Variants in KLHL3 observed in about 807,000 individuals in gnomAD.
The protein encoded by KLHL3 is kelch-like protein 3.
KLHL3 carries 19 observed loss-of-function variants against 70.5 expected under a neutral mutation model. The ratio of observed to expected loss-of-function variants is 0.27; its 90% CI spans 0.19 to 0.40. The LOEUF (loss-of-function observed/expected upper bound fraction) is 0.40, where lower values mean the gene tolerates loss of function less well. Among genes scored for constraint, KLHL3 ranks in the 10% least tolerant of loss-of-function variants. KLHL3 has a pLI of 1.00. For missense variants in KLHL3, 512 were observed against 771.1 expected (o/e 0.66, Z 3.98); for synonymous variants, 258 against 290.3 (o/e 0.89, Z 1.13).
intron 7 of KLHL3, 80 bp downstream of exon 7, chr5:137,661,835 C>T (rs2149897859): frequency 1.3e-6 from 1 of 797,010 alleles, no homozygotes; most frequent in East Asian, 2.5e-5. Context: ...TCAACTACTC[C>T]ATCCAACCAG....
chr5:137,691,616 T>C lies in KLHL3; in HGVS notation c.526+669A>G, dbSNP rs1432984649. 1.3e-3 allele frequency among the ~76,000 whole-genome samples: 8 copies of C among 5,954 alleles called. No homozygotes were observed. The African/African-American group carries it at 0.035, about 26-fold the overall frequency. The allele number at this position is 5,954 out of a possible 152,430, so 3.9% of individuals were successfully genotyped here. ...ATAAGCCCTGCAATAGTACGTGACT[T>C]TTTTTTTTTTTTTAGATGGAGTCTC... is the stretch of plus-strand genomic sequence containing the variant. On this transcript the variant is annotated intron_variant, in intron 5 of 14. Coordinates refer to ENST00000309755, the MANE Select transcript of KLHL3 (RefSeq NM_017415.3).
intron 8 of KLHL3, among the ~76,000 whole-genome samples, chr5:137,641,207 G>A (rs1750906573): frequency 6.6e-6 from 1 of 152,240 alleles, no homozygotes; most frequent in Non-Finnish European, 1.5e-5. Flanking sequence ...GCTTTCTTGA[G>A]TGGAGAGAAA....
intron 4 of KLHL3, among the ~76,000 whole-genome samples, chr5:137,695,576 C>T (rs1752427615): frequency 6.6e-6 from 1 of 152,128 alleles, no homozygotes; most frequent in Admixed American, 6.6e-5. Context: ...AATTAGGGCC[C>T]CATCCAATGG....
chr5:137,717,325 G>A (rs1430061788), intron 2 of KLHL3, among the ~76,000 whole-genome samples: 2 of 152,242 alleles, frequency 1.3e-5, no homozygotes, highest in Admixed American at 6.5e-5. Flanking sequence ...TTGAGCTACT[G>A]TAATCTTGGT....
chr5:137,672,555 A>G (rs1331585561), intron 6 of KLHL3: 1 of 152,218 alleles, frequency 6.6e-6, no homozygotes, highest in Non-Finnish European at 1.5e-5. Context: ...CCTGACCGGT[A>G]TCTAAAATGC....
In KLHL3 at chr5:137,720,755, A is replaced by C. The variant is rs539043097; in HGVS notation, c.15-171T>G. 2,101 of 1,436,088 alleles carry C rather than the reference A, an allele frequency of 1.5e-3. 5 individuals are homozygous for C. Among genetic ancestry groups the C allele is most frequent in the Non-Finnish European group, 1.8e-3 (1,979 of 1,099,056 alleles). 89.0% of individuals were successfully genotyped at this position (1,436,088 alleles called of 1,614,324 possible). A position where few individuals can be genotyped will look rare whatever the true frequency, so the allele number is the denominator to read the frequency against. ...ACTGGGAATTTCTTCATATCTTCCAAAGCAAAGTGCATTCCTCTGAAGGAA... is the reference window on the plus strand; with the variant it reads ...ACTGGGAATTTCTTCATATCTTCCACAGCAAAGTGCATTCCTCTGAAGGAA... On this transcript the variant is annotated intron_variant, in intron 1 of 14. Coordinates refer to ENST00000309755, the MANE Select transcript of KLHL3 (RefSeq NM_017415.3).
intron 7 of KLHL3, chr5:137,661,607 T>C (rs1050583537): frequency 1.0e-4 from 24 of 230,904 alleles, no homozygotes; most frequent in African/African-American, 5.4e-4. Flanking sequence ...CCTTTAGTCC[T>C]CACAACAACC....
At chr5:137,633,278 C>CAAAAAAAAAAAAAAAAAAAA (rs56084512) in intron 12 of KLHL3, among the ~76,000 whole-genome samples, 1 of 72,002 alleles carries the variant, frequency 1.4e-5, no homozygotes, top group African/African-American at 6.1e-5. Context: ...GACTTCATCT[C>CAAAAAAAAAAAAAAAAAAAA]AAAAAAAAAA....
chr5:137,681,004 T>C (rs114504946), intron 5 of KLHL3, among the ~76,000 whole-genome samples: 2,024 of 152,018 alleles, frequency 0.013, 44 homozygotes, highest in African/African-American at 0.046. Flanking sequence ...GAGGCCCCTC[T>C]CTATTTAAAA....
chr5:137,642,059 G>A (rs1269698782), intron 8 of KLHL3, among the ~76,000 whole-genome samples: 1 of 152,182 alleles, frequency 6.6e-6, no homozygotes, highest in Non-Finnish European at 1.5e-5. Flanking sequence ...CAGCCCCTTG[G>A]CAAACACCAG....
chr5:137,713,314 G>C (rs1318707191), intron 2 of KLHL3, among the ~76,000 whole-genome samples: 2 of 152,030 alleles, frequency 1.3e-5, no homozygotes, highest in African/African-American at 4.8e-5. Context: ...ATATGACAGT[G>C]TGGTACTAGT....
At chr5:137,656,955 T>C (rs958130196) in intron 8 of KLHL3, among the ~76,000 whole-genome samples, 3 of 152,246 alleles carry the variant, frequency 2.0e-5, no homozygotes, top group Non-Finnish European at 4.4e-5. Flanking sequence ...CTCTACCTTG[T>C]AGTGTTGTTG....
At chr5:137,722,129 G>A (rs1038874781) in intron 1 of KLHL3, among the ~76,000 whole-genome samples, 1 of 152,186 alleles carries the variant, frequency 6.6e-6, no homozygotes, top group African/African-American at 2.4e-5. Context: ...CTCTATCCAT[G>A]CTACCACTTA....
chr5:137,626,154 C>T (rs1378027993), intron 13 of KLHL3, among the ~76,000 whole-genome samples: 1 of 152,040 alleles, frequency 6.6e-6, no homozygotes, highest in Non-Finnish European at 1.5e-5. Flanking sequence ...ACGTGTATGC[C>T]CCCCGCCACA....
chr5:137,663,150 C>A (rs1429765967), intron 6 of KLHL3, among the ~76,000 whole-genome samples: 1 of 150,722 alleles, frequency 6.6e-6, no homozygotes, highest in Non-Finnish European at 1.5e-5. Flanking sequence ...CTCCACCTCC[C>A]GGGTTAAGTG....
intron 14 of KLHL3, among the ~76,000 whole-genome samples, chr5:137,622,901 C>A (rs1374057955): frequency 6.6e-6 from 1 of 152,224 alleles, no homozygotes; most frequent in East Asian, 1.9e-4. Context: ...CAGCAAGTTG[C>A]AAGCTCAGGT....
intron 5 of KLHL3, among the ~76,000 whole-genome samples, chr5:137,680,362 C>A (rs574327756): frequency 7.9e-5 from 12 of 152,200 alleles, no homozygotes; most frequent in African/African-American, 2.6e-4. Flanking sequence ...GGATGGCATG[C>A]TCATCCATAA....
intron 6 of KLHL3, among the ~76,000 whole-genome samples, chr5:137,676,081 G>A (rs1399527139): frequency 6.6e-6 from 1 of 152,174 alleles, no homozygotes. Context: ...ACGCATTCAA[G>A]GAAGCCAAGG....
At chr5:137,682,326 T>C (rs1001699072) in intron 5 of KLHL3, among the ~76,000 whole-genome samples, 2 of 150,348 alleles carry the variant, frequency 1.3e-5, no homozygotes, top group African/African-American at 4.9e-5. Context: ...TAAACACCTA[T>C]CCTGAGCAGT....
Sources: gnomAD v4.1 joint callset for allele counts (sites outside exome capture counted in the v4.1 genomes callset) on GRCh38, gnomAD v4.1.1 for gene constraint, MANE v1.5 for transcripts, NCBI Gene and HGNC (gene_info 2026-07-23, HGNC 2026-07-21) for gene names.